The following CCDC171 variants were observed in gnomAD, a reference collection of about 807,000 sequenced individuals.
The protein encoded by CCDC171 is coiled-coil domain-containing protein 171.
Under a neutral mutation model 168.2 loss-of-function variants are expected in CCDC171, and 177 were observed. That is an observed-to-expected ratio of 1.05 (90% CI 0.93 to 1.19). The LOEUF is 1.19. CCDC171 is among the 50% of genes most tolerant of loss of function. The probability of loss-of-function intolerance (pLI) is 0.00; values close to 1 mark genes in which losing one functional copy is unlikely to be tolerated. For synonymous variants in CCDC171, 687 were observed against 540.8 expected (o/e 1.27, Z -3.75); for missense variants, 1,991 against 1,539.0 (o/e 1.29, Z -4.91).
intron 1 of CCDC171, among the ~76,000 whole-genome samples, chr9:16,060,418 C>T (rs1833915673): frequency 6.6e-6 from 1 of 152,232 alleles, no homozygotes; most frequent in African/African-American, 2.4e-5. Context: ...TCAACTACAG[C>T]TCTGAGGGCA....
chr9:16,001,626 C>T (rs1832548079), intron 3 of CCDC171, among the ~76,000 whole-genome samples: 1 of 151,978 alleles, frequency 6.6e-6, no homozygotes, highest in Admixed American at 6.6e-5. Flanking sequence ...ATGGTGGTCC[C>T]ATAAGATTAT....
At chr9:15,694,372 A>G (rs1238031130) in intron 10 of CCDC171, among the ~76,000 whole-genome samples, 1 of 152,128 alleles carries the variant, frequency 6.6e-6, no homozygotes, top group East Asian at 1.9e-4. Flanking sequence ...TCATTCACAT[A>G]TATTTATTTG....
At chr9:15,732,926 C>T (rs978646887) in intron 16 of CCDC171, among the ~76,000 whole-genome samples, 2 of 152,070 alleles carry the variant, frequency 1.3e-5, no homozygotes, top group African/African-American at 4.8e-5. Context: ...CTCTCACTAG[C>T]AATGTAAGAG....
At chr9:15,651,653 C>G (rs1441123461) in intron 7 of CCDC171, among the ~76,000 whole-genome samples, 1 of 152,074 alleles carries the variant, frequency 6.6e-6, no homozygotes, top group Non-Finnish European at 1.5e-5. Context: ...ACCTCTAGTT[C>G]CATTCATATT....
At chr9:15,792,633 A>T (rs1172066884) in intron 21 of CCDC171, among the ~76,000 whole-genome samples, 1 of 152,192 alleles carries the variant, frequency 6.6e-6, no homozygotes. Flanking sequence ...TCTCGGCAGA[A>T]ACTCTACAAG....
At chr9:15,996,406 GC>G (rs1832374782) in intron 3 of CCDC171, among the ~76,000 whole-genome samples, 1 of 148,964 alleles carries the variant, frequency 6.7e-6, no homozygotes, top group Non-Finnish European at 1.5e-5. Context: ...GCTGAATGGG[GC>G]TAGGAGGCTC....
At chr9:15,650,407 G>T (rs1421823287) in intron 7 of CCDC171, among the ~76,000 whole-genome samples, 4 of 151,544 alleles carry the variant, frequency 2.6e-5, no homozygotes, top group Admixed American at 2.0e-4. Flanking sequence ...ATAAAAAAAA[G>T]AAAAAAAATA....
In CCDC171 at chr9:15,578,859, A is replaced by C. The variant is rs376424195; in HGVS notation, c.188A>C (p.Tyr63Ser). The change falls in exon 4 of 26, where the codon TAT (tyrosine) becomes TCT (serine). Residue 63 changes from tyrosine (Y) to serine (S), a missense_variant. Tyr to Ser is a moderately radical substitution (Grantham distance 144, BLOSUM62 -2). Transcript: ENST00000380701. ...TTKHNAELAS[Y>S]ESQIAKLRSE... ...GGAATCTGTTTTTAGCTGGCAAGCT[A>C]TGAGAGCCAGATTGCCAAGCTACGG... 1.2e-6 allele frequency: 2 copies of C among 1,612,912 alleles called. No homozygotes were observed. Among genetic ancestry groups the C allele is most frequent in the East Asian group, 2.2e-5 (1 of 44,810 alleles).
the CCDC171 span, among the ~76,000 whole-genome samples, chr9:16,069,403 C>G: frequency 6.6e-6 from 1 of 152,170 alleles, no homozygotes; most frequent in Non-Finnish European, 1.5e-5. Context: ...CAGAGTCCAG[C>G]GGTGTGCATG....
At position 15,573,443 on chromosome 9, in the gene CCDC171, G is replaced by A. The variant is rs577358732; in HGVS notation, c.177+1684G>A. Among the ~76,000 whole-genome samples the A allele has an allele frequency of 4.2e-4, 63 of 151,674 alleles. 1 individual carries two copies. The highest frequency in any genetic ancestry group is 2.5e-3 in the South Asian group (12 of 4,786). ...ACTACAGGCACGTGCCACCATGCCC[G>A]GCTAATTTTTGTATTTTTAGTAGAG... On this transcript the variant is annotated intron_variant, in intron 3 of 25. Coordinates refer to ENST00000380701, the MANE Select transcript of CCDC171 (RefSeq NM_173550.4).
At chr9:15,938,057 A>G (rs951188320) in intron 25 of CCDC171, among the ~76,000 whole-genome samples, 3 of 151,926 alleles carry the variant, frequency 2.0e-5, no homozygotes, top group East Asian at 1.9e-4. Context: ...CCTGATTGCC[A>G]GATACTGAAG....
chr9:15,571,757 G>C lies in CCDC171; in HGVS notation c.175G>C (p.Glu59Gln). 6.4e-7 allele frequency: 1 copy of C among 1,571,160 alleles called. No individual in the cohort carries two copies. Among genetic ancestry groups the C allele is most frequent in the Non-Finnish European group, 8.6e-7 (1 of 1,168,754 alleles). Residue 59 changes from glutamate (E) to glutamine (Q), a missense_variant and splice_region_variant, in exon 3 of 26, where the codon GAG becomes CAG. Glu to Gln is a conservative substitution (Grantham distance 29). Transcript: ENST00000380701. ...KLEITTKHNA[E>Q]LASYESQIAK... ...AGAAATAACAACCAAACACAATGCA[G>C]AGGTACGATTTATTTTCCTCTCAAA... is the stretch of plus-strand genomic sequence containing the variant.
the CCDC171 span, among the ~76,000 whole-genome samples, chr9:16,108,155 C>A: frequency 2.0e-5 from 3 of 152,196 alleles, no homozygotes; most frequent in East Asian, 5.8e-4. Context: ...CAGTAAATAA[C>A]AAAATTGGAG....
chr9:15,915,506 G>GT (rs960197937), intron 24 of CCDC171, among the ~76,000 whole-genome samples: 1 of 152,022 alleles, frequency 6.6e-6, no homozygotes, highest in Non-Finnish European at 1.5e-5. Flanking sequence ...AAATCTAAGT[G>GT]TTTTTTGGTG....
At chr9:15,986,794 C>A (rs1832004760) in intron 3 of CCDC171, among the ~76,000 whole-genome samples, 1 of 152,072 alleles carries the variant, frequency 6.6e-6, no homozygotes, top group Admixed American at 6.6e-5. Flanking sequence ...GTCATTAACA[C>A]AGATTCTATA....
In CCDC171 at chr9:15,922,064, C is replaced by T. The variant is rs116387991; in HGVS notation, c.3753+1642C>T. 2.2e-3 allele frequency: 547 copies of T among 244,294 alleles called. 4 individuals are homozygous for T. The highest frequency in any genetic ancestry group is 0.012 in the African/African-American group (525 of 45,522). 15.1% of individuals were successfully genotyped at this position (244,294 alleles called of 1,614,324 possible). ...TGTTTAATATACTTCACAATCATAC[C>T]AAAACTCTACTTTTCAACACTTTTT... On this transcript the variant is annotated intron_variant, in intron 25 of 25. Transcript: ENST00000380701.
At chr9:15,939,398 T>G (rs1827468860) in intron 25 of CCDC171, among the ~76,000 whole-genome samples, 1 of 151,882 alleles carries the variant, frequency 6.6e-6, no homozygotes, top group African/African-American at 2.4e-5. Context: ...GAAGTCAGAT[T>G]ATTGAAACAA....
chr9:15,677,818 C>T (rs1427862859), intron 9 of CCDC171, among the ~76,000 whole-genome samples: 16 of 133,374 alleles, frequency 1.2e-4, no homozygotes, highest in African/African-American at 2.8e-4. Context: ...CACACACACA[C>T]GCGCACACAC....
chr9:15,826,098 C>G (rs1029291650), intron 21 of CCDC171, among the ~76,000 whole-genome samples: 1 of 151,904 alleles, frequency 6.6e-6, no homozygotes, highest in Non-Finnish European at 1.5e-5. Context: ...TCTCTTCACT[C>G]TTTGTATTGA....
Sources: gnomAD v4.1 joint callset for allele counts (sites outside exome capture counted in the v4.1 genomes callset) on GRCh38, gnomAD v4.1.1 for gene constraint, MANE v1.5 for transcripts, NCBI Gene and HGNC (gene_info 2026-07-23, HGNC 2026-07-21) for gene names.